DIPK2B: variants seen among roughly 807,000 people sequenced by gnomAD.
The protein encoded by DIPK2B is divergent protein kinase domain 2B.
A neutral mutation model predicts 22.2 loss-of-function variants in DIPK2B; 15 were observed. The observed-to-expected ratio is 0.68, with a 90% CI of 0.45 to 1.04. The LOEUF is 1.04. DIPK2B is among the 50% of genes least tolerant of loss of function. The pLI is 0.00. For missense variants in DIPK2B, 345 were observed against 348.3 expected (o/e 0.99, Z 0.08); for synonymous variants, 163 against 153.2 (o/e 1.06, Z -0.47).
chrX:45,184,555 C>G (rs1192186358), intron 2 of DIPK2B, among the ~76,000 whole-genome samples: 4 of 111,491 alleles, frequency 3.6e-5, no homozygotes, highest in African/African-American at 1.3e-4. Flanking sequence ...TATATTTATT[C>G]CCTGCTTAAC....
At chrX:45,167,967 G>C (rs1253042836) in intron 2 of DIPK2B, among the ~76,000 whole-genome samples, 1 of 112,694 alleles carries the variant, frequency 8.9e-6, no homozygotes, top group Non-Finnish European at 1.9e-5. Flanking sequence ...TTATAGGCGT[G>C]AGCCACTGTG....
intron 2 of DIPK2B, among the ~76,000 whole-genome samples, chrX:45,179,845 T>A (rs1379901689): frequency 8.9e-6 from 1 of 112,009 alleles, no homozygotes; most frequent in Non-Finnish European, 1.9e-5. Context: ...AGAAAATACA[T>A]GATCATCTTA....
At chrX:45,172,939 A>G (rs2047091949) in intron 2 of DIPK2B, among the ~76,000 whole-genome samples, 1 of 111,342 alleles carries the variant, frequency 9.0e-6, no homozygotes, top group African/African-American at 3.3e-5. Context: ...TGCTGTGCAA[A>G]GCTCCTGTTG....
chrX:45,193,814 C>T (rs929279857), intron 1 of DIPK2B, among the ~76,000 whole-genome samples: 1 of 111,281 alleles, frequency 9.0e-6, no homozygotes, highest in African/African-American at 3.3e-5. Context: ...AAGATCCTCC[C>T]CTCTAGGTGG....
At chrX:45,173,473 T>G (rs997998084) in intron 2 of DIPK2B, among the ~76,000 whole-genome samples, 2 of 110,948 alleles carry the variant, frequency 1.8e-5, no homozygotes, top group Non-Finnish European at 3.8e-5. Context: ...CCTGGTACAC[T>G]GAACATCCTT....
At position 45,157,893 on chromosome X, in the gene DIPK2B, G is replaced by GC; in HGVS notation, c.499-6dup. ...CAGGAGCGGGCTGGCCAGGCCCTAC[G>GC]CGCAGGTGGGAGAGAGGCGGGAGAA... On this transcript the variant is annotated splice_region_variant and splice_polypyrimidine_tract_variant and intron_variant, in intron 2 of 4. Transcript: ENST00000398000. 1 of 1,135,980 alleles carries GC rather than the reference G, an allele frequency of 8.8e-7. No homozygotes were observed. The highest frequency in any genetic ancestry group is 1.2e-6 in the Non-Finnish European group (1 of 854,615). 93.6% of individuals were successfully genotyped at this position (1,135,980 alleles called of 1,213,427 possible).
At chrX:45,164,507 CA>C (rs1427643627) in intron 2 of DIPK2B, among the ~76,000 whole-genome samples, 1 of 110,757 alleles carries the variant, frequency 9.0e-6, no homozygotes, top group African/African-American at 3.3e-5. Flanking sequence ...AACACAAGAA[CA>C]AAAAAACCAA....
chrX:45,188,558 A>G (rs1400623975), intron 2 of DIPK2B, among the ~76,000 whole-genome samples: 1 of 112,567 alleles, frequency 8.9e-6, no homozygotes, highest in Non-Finnish European at 1.9e-5. Flanking sequence ...TCTATGGCTT[A>G]TTCTTTTTAA....
chrX:45,189,585 C>T (rs1042838739), intron 2 of DIPK2B, among the ~76,000 whole-genome samples: 4 of 108,211 alleles, frequency 3.7e-5, no homozygotes, highest in Non-Finnish European at 5.8e-5. Context: ...TGCACTCCAG[C>T]CGGGGTGACA....
At chrX:45,161,764 G>A (rs1173237171) in intron 2 of DIPK2B, among the ~76,000 whole-genome samples, 1 of 111,906 alleles carries the variant, frequency 8.9e-6, no homozygotes, top group East Asian at 2.8e-4. Context: ...GAATGGTTGG[G>A]GGCTGTTGGT....
intron 1 of DIPK2B, among the ~76,000 whole-genome samples, chrX:45,195,206 T>C (rs2047233354): frequency 8.9e-6 from 1 of 112,311 alleles, no homozygotes. Context: ...AATGTTACTA[T>C]CCTGGAATTT....
chrX:45,196,984 T>C (rs1369211994), intron 1 of DIPK2B, among the ~76,000 whole-genome samples: 1 of 111,739 alleles, frequency 8.9e-6, no homozygotes, highest in African/African-American at 3.2e-5. Context: ...AAAGGAAAGA[T>C]AAAGGAAAAA....
intron 1 of DIPK2B, among the ~76,000 whole-genome samples, chrX:45,193,903 C>T (rs1363459197): frequency 9.1e-6 from 1 of 110,313 alleles, no homozygotes; most frequent in African/African-American, 3.3e-5. Flanking sequence ...AGTTTCAAAC[C>T]CACCCCTACT....
At chrX:45,198,283 G>A (rs776331378) in intron 1 of DIPK2B, among the ~76,000 whole-genome samples, 30 of 111,202 alleles carry the variant, frequency 2.7e-4, no homozygotes, top group Admixed American at 8.6e-4. Context: ...AACCTTTCCT[G>A]AAAATACTAA....
chrX:45,166,877 G>A (rs2047051761), intron 2 of DIPK2B, among the ~76,000 whole-genome samples: 1 of 112,053 alleles, frequency 8.9e-6, no homozygotes. Context: ...TTGAACAAAT[G>A]AATTTTTACT....
intron 2 of DIPK2B, among the ~76,000 whole-genome samples, chrX:45,173,737 A>C (rs1207591879): frequency 1.8e-5 from 2 of 108,359 alleles, no homozygotes; most frequent in Non-Finnish European, 3.8e-5. Context: ...CACCCAGCTA[A>C]ATTTTTGAAT....
rs1380787660 is a variant in DIPK2B, at chrX:45,200,857, G to T, written c.-31C>A. On this transcript the variant is annotated 5_prime_UTR_variant, in exon 1 of 5. Coordinates refer to ENST00000398000, the MANE Select transcript of DIPK2B (RefSeq NM_176819.4). ...GCTCTGGGCTCCAGCTGCAGCCTCT[G>T]GCTGTCCACTCGAGGCTGTACAGAG... The T allele has an allele frequency of 4.5e-6, 5 of 1,107,109 alleles. No homozygotes were observed. The highest frequency in any genetic ancestry group is 1.2e-6 in the Non-Finnish European group (1 of 824,334). 91.2% of individuals were successfully genotyped at this position (1,107,109 alleles called of 1,213,427 possible). A position where few individuals can be genotyped will look rare whatever the true frequency, so the allele number is the denominator to read the frequency against.
At chrX:45,195,736 C>T (rs1352995781) in intron 1 of DIPK2B, among the ~76,000 whole-genome samples, 3 of 112,529 alleles carry the variant, frequency 2.7e-5, no homozygotes, top group African/African-American at 6.5e-5. Context: ...TGCTGCATTG[C>T]CTGCTGCTCT....
chrX:45,151,707 C>T lies in DIPK2B; in HGVS notation c.1247G>A (p.Cys416Tyr). 1 of 1,212,050 alleles carries T rather than the reference C, an allele frequency of 8.3e-7. No individual in the cohort carries two copies. The highest frequency in any genetic ancestry group is 1.1e-6 in the Non-Finnish European group (1 of 895,515). ...GTAACGATAGGCAAATCTGGAGTCA[C>T]ACGTTCTCAGGGGCCTCAAGATGTC... ...LKDILRPLRT[C>Y]DSRFAYRYPD... Residue 416 changes from cysteine to tyrosine, a missense_variant, in exon 5 of 5, where the codon TGT (cysteine) becomes TAT (tyrosine). Physicochemically the swap from Cys to Tyr is radical, Grantham distance 194. Transcript: ENST00000398000.
Sources: allele counts gnomAD v4.1 joint callset (sites outside exome capture counted in the v4.1 genomes callset), GRCh38; gene constraint gnomAD v4.1.1; transcripts MANE v1.5; gene names NCBI Gene and HGNC (gene_info 2026-07-23, HGNC 2026-07-21).